MAB21L4: variants seen among roughly 807,000 people sequenced by gnomAD.
MAB21L4 encodes the protein protein mab-21-like 4.
Under a neutral mutation model 32.4 loss-of-function variants are expected in MAB21L4, and 25 were observed. The ratio of observed to expected loss-of-function variants is 0.77; its 90% CI spans 0.56 to 1.08. MAB21L4 has a LOEUF of 1.08. Ranked by LOEUF, MAB21L4 falls within the 50% of genes least tolerant of loss-of-function variation. MAB21L4 has a pLI of 0.00. For missense variants in MAB21L4, 638 were observed against 611.0 expected, an observed-to-expected ratio of 1.04 and a Z score of -0.47; for synonymous variants, 280 against 276.8, an observed-to-expected ratio of 1.01 and a Z score of -0.11.
Position 240,888,789 on chromosome 2 carries a change from G to C in MAB21L4, c.895-141C>G, listed in dbSNP as rs138151492. ...TCCTACCCTGTGCCCTCCCCTCCACGTCCCAGTCGGAGTCCCAGGCCCCTC... is the reference window on the plus strand; with the variant it reads ...TCCTACCCTGTGCCCTCCCCTCCACCTCCCAGTCGGAGTCCCAGGCCCCTC... On this transcript the variant is annotated intron_variant, in intron 3 of 4. Transcript: ENST00000388934. 6.9e-3 allele frequency: 3,837 copies of C among 557,536 alleles called. 95 individuals carry two copies. The highest frequency in any genetic ancestry group is 0.066 in the East Asian group (1,887 of 28,442). The allele number at this position is 557,536 out of a possible 1,614,324, so 34.5% of individuals were successfully genotyped here. A position where few individuals can be genotyped will look rare whatever the true frequency, so the allele number is the denominator to read the frequency against.
chr2:240,893,445 C>T (rs2059166645), intron 1 of MAB21L4, among the ~76,000 whole-genome samples: 1 of 152,228 alleles, frequency 6.6e-6, no homozygotes, highest in African/African-American at 2.4e-5. Flanking sequence ...CATTCAGAGC[C>T]GCCTCTAGTG....
chr2:240,887,189 G>C, intron 4 of MAB21L4, 27 bp from the exon 5 acceptor site: 1 of 1,584,446 alleles, frequency 6.3e-7, no homozygotes. Context: ...AGGGGAGAAG[G>C]GTTACAGGGA....
chr2:240,886,731 G>T lies in MAB21L4; in HGVS notation c.*339C>A, dbSNP rs2059098461. 3.7e-6 allele frequency: 1 copy of T among 270,760 alleles called. No homozygotes were observed. The highest frequency in any genetic ancestry group is 6.9e-6 in the Non-Finnish European group (1 of 145,342). 16.8% of individuals were successfully genotyped at this position (270,760 alleles called of 1,614,324 possible). A position where few individuals can be genotyped will look rare whatever the true frequency, so the allele number is the denominator to read the frequency against. ...AAATATACAGCATTTCGTCACCAAG[G>T]AATGGCATACAGTGCAGGCAGGGCC... is the stretch of plus-strand genomic sequence containing the variant. On this transcript the variant is annotated 3_prime_UTR_variant, in exon 5 of 5. Coordinates refer to ENST00000388934, the MANE Select transcript of MAB21L4 (RefSeq NM_001085437.3).
chr2:240,895,680 A>G lies in MAB21L4; in HGVS notation c.318T>C (p.Leu106=). ...TGGGCACACCCAGGTGGCATAATTC[A>G]AGGCCATCCTCCGGCTGGGTGGCCT... ...EPEATQPEDG[L]ELCHLGVPRE... The change falls in exon 1 of 5, where the codon CTT becomes CTC. Residue 106 remains leucine (L), a synonymous_variant. Coordinates refer to ENST00000388934, the MANE Select transcript of MAB21L4 (RefSeq NM_001085437.3). 6.2e-7 allele frequency: 1 copy of G among 1,612,804 alleles called. No individual in the cohort carries two copies. Among genetic ancestry groups the G allele is most frequent in the Non-Finnish European group, 8.5e-7 (1 of 1,179,984 alleles).
In MAB21L4 at chr2:240,892,061, T is replaced by A. The variant is rs1444245043; in HGVS notation, c.515-298A>T. 1.5e-5 allele frequency: 22 copies of A among 1,445,814 alleles called. 1 individual carries two copies. Among genetic ancestry groups the A allele is most frequent in the South Asian group, 1.2e-4 (8 of 69,542 alleles). 89.6% of individuals were successfully genotyped at this position (1,445,814 alleles called of 1,614,324 possible). A position where few individuals can be genotyped will look rare whatever the true frequency, so the allele number is the denominator to read the frequency against. On this transcript the variant is annotated intron_variant, in intron 1 of 4. Coordinates refer to ENST00000388934, the MANE Select transcript of MAB21L4 (RefSeq NM_001085437.3). ...GATGACAGCAGCGTCCTACATGAGGTTTTCCTTTGCCAGGCACCACCCTCA... is the reference window on the plus strand; with the variant it reads ...GATGACAGCAGCGTCCTACATGAGGATTTCCTTTGCCAGGCACCACCCTCA...
chr2:240,887,104 T>A lies in MAB21L4; in HGVS notation c.1310A>T (p.Gln437Leu). The A allele has an allele frequency of 3.7e-6, 6 of 1,614,180 alleles. No homozygotes were observed. The highest frequency in any genetic ancestry group is 1.6e-4 in the Middle Eastern group (1 of 6,062). Residue 437 changes from glutamine to leucine, a missense_variant, in exon 5 of 5, where the codon CAG becomes CTG. By Grantham distance (113) the Gln-to-Leu change is moderately radical. Transcript: ENST00000388934. ...CTCGCCTCCCAGAGTCCTGGTCTTC[T>A]GGAAGATGCTCTGCATGGCAGAGAT... ...DRISAMQSIF[Q>L]KTRTLGGEES
chr2:240,889,116 G>C (rs1224035161), intron 3 of MAB21L4, among the ~76,000 whole-genome samples: 1 of 152,056 alleles, frequency 6.6e-6, no homozygotes, highest in East Asian at 1.9e-4. Flanking sequence ...GGCCGTTCCA[G>C]ACACCCTTAC....
At chr2:240,893,967 T>A (rs547022475) in intron 1 of MAB21L4, among the ~76,000 whole-genome samples, 2 of 152,178 alleles carry the variant, frequency 1.3e-5, no homozygotes, top group Admixed American at 6.5e-5. Flanking sequence ...GAGGGCTGGC[T>A]GGGAGCACCA....
rs1426958658 is a variant in MAB21L4, at chr2:240,887,147, T to A, written c.1267A>T (p.Ile423Phe). Residue 423 changes from isoleucine to phenylalanine, a missense_variant, in exon 5 of 5, where the codon ATC (isoleucine) becomes TTC (phenylalanine). Coordinates refer to ENST00000388934, the MANE Select transcript of MAB21L4 (RefSeq NM_001085437.3). Reference sequence around the variant, plus strand: ...GCAGAGATCCGGTCCTTATCCTGGATGTTGAAGACCTGGAACTACAGGCAG... The same window carrying A: ...GCAGAGATCCGGTCCTTATCCTGGAAGTTGAAGACCTGGAACTACAGGCAG... ...VLLDKFQVFNIQDKDRISAMQ... is the reference protein window; with the variant it reads ...VLLDKFQVFNFQDKDRISAMQ... The A allele has an allele frequency of 6.2e-7, 1 of 1,614,014 alleles. No individual in the cohort carries two copies.
In MAB21L4 at chr2:240,895,943, G is replaced by A. The variant is rs770147714; in HGVS notation, c.55C>T (p.His19Tyr). The change falls in exon 1 of 5, where the codon CAC becomes TAC. Residue 19 changes from histidine to tyrosine, a missense_variant. Transcript: ENST00000388934. The part of the protein sequence containing the change: ...SAMAVQVPLW[H>Y]HYLQAIRSRE... ...GACCGGATGGCCTGCAGGTAGTGGTGCCACAGGGGCACCTGCACGGCCATG... is the reference window on the plus strand; with the variant it reads ...GACCGGATGGCCTGCAGGTAGTGGTACCACAGGGGCACCTGCACGGCCATG... 6.7e-7 allele frequency: 1 copy of A among 1,491,732 alleles called. No individual in the cohort carries two copies. Among genetic ancestry groups the A allele is most frequent in the South Asian group, 1.4e-5 (1 of 73,200 alleles). The allele number at this position is 1,491,732 out of a possible 1,614,324, so 92.4% of individuals were successfully genotyped here.
intron 3 of MAB21L4, among the ~76,000 whole-genome samples, chr2:240,889,105 C>T (rs71428476): frequency 0.15 from 22,141 of 152,144 alleles, 2,018 homozygotes; most frequent in Non-Finnish European, 0.2. Flanking sequence ...GAGCTGCCTG[C>T]GGCCGTTCCA....
At chr2:240,889,173 G>A (rs143506368) in intron 3 of MAB21L4, among the ~76,000 whole-genome samples, 21 of 152,272 alleles carry the variant, frequency 1.4e-4, no homozygotes, top group Admixed American at 5.9e-4. Context: ...GTCTCACAGC[G>A]GCTTTTCAAA....
chr2:240,895,481 T>C lies in MAB21L4; in HGVS notation c.514+3A>G. On this transcript the variant is annotated splice_donor_region_variant and intron_variant, in intron 1 of 4. Transcript: ENST00000388934. ...ACGCGTGCAGAGTGGGCTGTGCCTGTACCTGGTGCGATGAGACTGTGGTGC... is the reference window on the plus strand; with the variant it reads ...ACGCGTGCAGAGTGGGCTGTGCCTGCACCTGGTGCGATGAGACTGTGGTGC... The C allele has an allele frequency of 6.5e-7, 1 of 1,540,972 alleles. No individual in the cohort carries two copies. The highest frequency in any genetic ancestry group is 1.2e-5 in the South Asian group (1 of 81,832).
rs758534620 is a variant in MAB21L4, at chr2:240,888,613, C to T, written c.930G>A (p.Ala310=). 183 of 1,597,840 alleles carry T rather than the reference C, an allele frequency of 1.1e-4. No individual in the cohort carries two copies. Among genetic ancestry groups the T allele is most frequent in the Admixed American group, 9.8e-4 (58 of 58,966 alleles). The change falls in exon 4 of 5, where the codon GCG becomes GCA. Residue 310 remains alanine (A), a synonymous_variant. Transcript: ENST00000388934. The stretch of plus-strand genomic sequence containing the variant: ...CCTGCAGTTCTGCCCAGTCCTCGGG[C>T]GCCAGGAAGAGCACAGAGGCCCACA... ...VLLWASVLFL[A]PEDWAELQGA...
At position 240,888,423 on chromosome 2, in the gene MAB21L4, G is replaced by A. The variant is rs753251286; in HGVS notation, c.1120C>T (p.Arg374Cys). The A allele has an allele frequency of 2.6e-5, 41 of 1,559,898 alleles. No individual in the cohort carries two copies. Among genetic ancestry groups the A allele is most frequent in the East Asian group, 2.4e-4 (10 of 42,146 alleles). Residue 374 changes from arginine to cysteine, a missense_variant, in exon 4 of 5, where the codon CGC becomes TGC. Coordinates refer to ENST00000388934, the MANE Select transcript of MAB21L4 (RefSeq NM_001085437.3). ...GFASQPEAAL[R>C]IHATHLGRSP... ...CGGCCCAGGTGGGTGGCGTGGATGC[G>A]CAGGGCCGCCTCGGGCTGGCTGGCG...
chr2:240,896,212 C>T (rs1254747705), upstream of MAB21L4: 3 of 1,233,204 alleles, frequency 2.4e-6, no homozygotes, highest in African/African-American at 4.7e-5. Context: ...GTGAGTCAGT[C>T]CCCAGCAATT....
chr2:240,887,572 GCATCT>G (rs1489315016), intron 4 of MAB21L4, among the ~76,000 whole-genome samples: 1 of 152,272 alleles, frequency 6.6e-6, no homozygotes, highest in Non-Finnish European at 1.5e-5. Flanking sequence ...GAGGCCATCA[GCATCT>G]CAACAGGCGG....
rs1225160614 is a variant in MAB21L4 at position 240,891,646 on chromosome 2, GC to G, written c.631del (p.Ala211ArgfsTer18). The part of the protein sequence containing the change: ...VVPVVRRKLG[A>X]PALEGVQQMP... ...CTGCTGCACCCCCTCCAGGGCAGGCGCCCCAAGCTTCCTTCTCACCACGGGC... is the reference window on the plus strand; with the variant it reads ...CTGCTGCACCCCCTCCAGGGCAGGCGCCCAAGCTTCCTTCTCACCACGGGC... On this transcript the variant is annotated frameshift_variant, in exon 2 of 5. Coordinates refer to ENST00000388934, the MANE Select transcript of MAB21L4 (RefSeq NM_001085437.3). LOFTEE classifies it high-confidence loss of function. The G allele has an allele frequency of 5.6e-6, 9 of 1,608,788 alleles. No individual in the cohort carries two copies. The highest frequency in any genetic ancestry group is 7.6e-6 in the Non-Finnish European group (9 of 1,179,976).
chr2:240,895,722 T>C lies in MAB21L4; in HGVS notation c.276A>G (p.Leu92=). The change falls in exon 1 of 5, where the codon CTA becomes CTG. Residue 92 remains leucine, a synonymous_variant. Coordinates refer to ENST00000388934, the MANE Select transcript of MAB21L4 (RefSeq NM_001085437.3). ...EVPLWVDAEA[L]LIEEPEATQP... is the part of the protein sequence containing the mutation. The stretch of plus-strand genomic sequence containing the variant: ...GGGTGGCCTCTGGTTCCTCAATCAG[T>C]AGAGCCTCGGCATCCACCCACAGGG... 1 of 1,612,842 alleles carries C rather than the reference T, an allele frequency of 6.2e-7. No individual in the cohort carries two copies. Among genetic ancestry groups the C allele is most frequent in the Non-Finnish European group, 8.5e-7 (1 of 1,179,968 alleles).
Sources: gnomAD v4.1 joint callset for allele counts (sites outside exome capture counted in the v4.1 genomes callset) on GRCh38, gnomAD v4.1.1 for gene constraint, MANE v1.5 for transcripts, NCBI Gene and HGNC (gene_info 2026-07-23, HGNC 2026-07-21) for gene names.